RBFOX1: variants seen among roughly 807,000 people sequenced by gnomAD.
RBFOX1 encodes RNA binding fox-1 homolog 1.
In RBFOX1, 8 loss-of-function variants were observed where a neutral mutation model predicts 57.7. The observed-to-expected ratio is 0.14, with a 90% CI of 0.08 to 0.25. RBFOX1 has a LOEUF of 0.25. Ranked by LOEUF, RBFOX1 falls within the 10% of genes least tolerant of loss-of-function variation. The pLI is 1.00. For synonymous variants in RBFOX1, 326 were observed against 222.4 expected, an observed-to-expected ratio of 1.47 and a Z score of -4.15; for missense variants, 611 against 548.5, an observed-to-expected ratio of 1.11 and a Z score of -1.14.
chr16:5,254,150 C>G (rs981701506), intron 1 of RBFOX1, among the ~76,000 whole-genome samples: 1 of 152,176 alleles, frequency 6.6e-6, no homozygotes. Context: ...AGATGGCATG[C>G]CCATTTTACA....
At chr16:5,719,955 C>G (rs1489665175) in intron 3 of RBFOX1, among the ~76,000 whole-genome samples, 1 of 151,990 alleles carries the variant, frequency 6.6e-6, no homozygotes, top group Non-Finnish European at 1.5e-5. Flanking sequence ...GTGACTCTTC[C>G]CCGCCCCGCC....
chr16:7,310,347 G>C (rs1326224664), intron 4 of RBFOX1, among the ~76,000 whole-genome samples: 2 of 152,148 alleles, frequency 1.3e-5, no homozygotes, highest in Non-Finnish European at 2.9e-5. Context: ...GGTTGTTTCT[G>C]ATCTTCCTGT....
chr16:6,544,540 T>G (rs944639209), intron 2 of RBFOX1, among the ~76,000 whole-genome samples: 1 of 152,212 alleles, frequency 6.6e-6, no homozygotes, highest in Non-Finnish European at 1.5e-5. Flanking sequence ...ATTGATTATA[T>G]GCAACTCTTG....
At chr16:5,296,559 T>TA (rs529106351) in intron 1 of RBFOX1, among the ~76,000 whole-genome samples, 15 of 149,386 alleles carry the variant, frequency 1.0e-4, no homozygotes, top group African/African-American at 2.4e-4. Context: ...ATTTTTTAAT[T>TA]AAAAAAAAAA....
chr16:6,655,657 A>C (rs1433678790), intron 3 of RBFOX1, among the ~76,000 whole-genome samples: 1 of 152,122 alleles, frequency 6.6e-6, no homozygotes, highest in Admixed American at 6.5e-5. Flanking sequence ...AAGCACATCC[A>C]AGAAGATCAG....
At chr16:5,715,142 A>C (rs886841634) in intron 3 of RBFOX1, among the ~76,000 whole-genome samples, 4 of 152,204 alleles carry the variant, frequency 2.6e-5, no homozygotes, top group African/African-American at 9.6e-5. Context: ...ATTCCTTGGT[A>C]ATGCATTAAC....
rs183250948 is a variant in RBFOX1 at position 5,773,324 on chromosome 16, A to G, written c.319-93979A>G. On this transcript the variant is annotated intron_variant, in intron 3 of 19. Coordinates refer to the RBFOX1 transcript ENST00000641259. ...TTCCTCAGTGGTAAGTATCATTAAC[A>G]TGTTCACAAGCAGCCTCTAGACTAT... Among the ~76,000 whole-genome samples, 105 of 152,326 alleles carry G rather than the reference A, an allele frequency of 6.9e-4. 1 individual carries two copies. In the East Asian group the frequency reaches 0.017, roughly 25 times the overall value.
intron 1 of RBFOX1, among the ~76,000 whole-genome samples, chr16:6,083,125 C>G (rs1308916770): frequency 2.6e-5 from 4 of 152,060 alleles, no homozygotes; most frequent in Non-Finnish European, 5.9e-5. Flanking sequence ...CCTCAGCGTC[C>G]TGAGTAGCTG....
chr16:6,126,390 A>G (rs560544897), intron 1 of RBFOX1, among the ~76,000 whole-genome samples: 5 of 152,296 alleles, frequency 3.3e-5, no homozygotes, highest in African/African-American at 1.2e-4. Context: ...AATGCGCACT[A>G]TGTGCCAAGT....
intron 1 of RBFOX1, among the ~76,000 whole-genome samples, chr16:6,068,551 A>G (rs531178504): frequency 6.6e-6 from 1 of 152,290 alleles, no homozygotes; most frequent in South Asian, 2.1e-4. Context: ...ATCCACAAAC[A>G]AGTTTATTCG....
At chr16:6,420,360 C>G (rs567259666) in intron 2 of RBFOX1, among the ~76,000 whole-genome samples, 3 of 151,852 alleles carry the variant, frequency 2.0e-5, no homozygotes, top group South Asian at 4.2e-4. Flanking sequence ...TTCCCTACCT[C>G]TTTCATTTTT....
intron 3 of RBFOX1, among the ~76,000 whole-genome samples, chr16:6,670,719 C>A (rs912021262): frequency 1.3e-5 from 2 of 152,072 alleles, no homozygotes; most frequent in African/African-American, 2.4e-5. Context: ...TCCTTATGGC[C>A]GGGCACGGTG....
intron 2 of RBFOX1, among the ~76,000 whole-genome samples, chr16:6,392,573 G>T (rs972248722): frequency 6.6e-6 from 1 of 152,160 alleles, no homozygotes; most frequent in African/African-American, 2.4e-5. Flanking sequence ...CAAAATATGT[G>T]ATCCTGATGG....
chr16:6,860,092 T>C (rs2058730415), intron 3 of RBFOX1, among the ~76,000 whole-genome samples: 1 of 152,196 alleles, frequency 6.6e-6, no homozygotes, highest in Admixed American at 6.5e-5. Context: ...AATTGTGTAC[T>C]ATTTTTCCTC....
intron 2 of RBFOX1, among the ~76,000 whole-genome samples, chr16:6,584,664 C>T (rs1049146994): frequency 1.2e-4 from 18 of 151,936 alleles, no homozygotes; most frequent in Admixed American, 2.0e-4. Flanking sequence ...CCACCATGCC[C>T]GGCCTGTGTT....
chr16:7,225,562 G>A lies in RBFOX1; in HGVS notation c.27+173464G>A, dbSNP rs181666309. On this transcript the variant is annotated intron_variant, in intron 4 of 15. Transcript: ENST00000550418. Reference sequence around the variant, plus strand: ...AGTATGTCTTTATTGCATCATGAAAGTAGACTAATACAGTGGGCCATGTGA... The same window carrying A: ...AGTATGTCTTTATTGCATCATGAAAATAGACTAATACAGTGGGCCATGTGA... Among the ~76,000 whole-genome samples, 6 of 151,882 alleles carry A rather than the reference G, an allele frequency of 4.0e-5. No individual in the cohort carries two copies. The East Asian group carries it at 9.7e-4, about 25-fold the overall frequency.
At chr16:7,323,750 T>C (rs2096575454) in intron 4 of RBFOX1, among the ~76,000 whole-genome samples, 1 of 152,214 alleles carries the variant, frequency 6.6e-6, no homozygotes, top group Non-Finnish European at 1.5e-5. Flanking sequence ...ATAGTAAGCA[T>C]TGAATAAGTG....
chr16:6,917,188 G>C (rs769295542), intron 3 of RBFOX1, among the ~76,000 whole-genome samples: 1 of 152,098 alleles, frequency 6.6e-6, no homozygotes, highest in African/African-American at 2.4e-5. Flanking sequence ...CTGAGTTTCT[G>C]TTCTTAATTT....
At chr16:6,892,775 C>CTCT (rs1567747539) in intron 3 of RBFOX1, among the ~76,000 whole-genome samples, 1,103 of 84,718 alleles carry the variant, frequency 0.013, 150 homozygotes, top group African/African-American at 0.02. Context: ...TCCCTGTCTC[C>CTCT]CTCTCTCTCT....
Sources: allele counts gnomAD v4.1 joint callset (sites outside exome capture counted in the v4.1 genomes callset), GRCh38; gene constraint gnomAD v4.1.1; transcripts MANE v1.5; gene names NCBI Gene and HGNC (gene_info 2026-07-23, HGNC 2026-07-21).